The following ALOX5 variants were observed in gnomAD, a reference collection of about 807,000 sequenced individuals.
The protein encoded by ALOX5 is polyunsaturated fatty acid 5-lipoxygenase.
Under a neutral mutation model 87.9 loss-of-function variants are expected in ALOX5, and 64 were observed. The ratio of observed to expected loss-of-function variants is 0.73; its 90% CI spans 0.60 to 0.90. The LOEUF (loss-of-function observed/expected upper bound fraction) is 0.90. ALOX5 is among the 40% of genes least tolerant of loss of function. ALOX5 has a pLI of 0.00. For missense variants in ALOX5, 822 were observed against 907.5 expected (o/e 0.91, Z 1.21); for synonymous variants, 388 against 355.1 (o/e 1.09, Z -1.04).
intron 3 of ALOX5, among the ~76,000 whole-genome samples, chr10:45,405,739 C>CTTT (rs11463810): frequency 0.021 from 2,960 of 139,334 alleles, 105 homozygotes; most frequent in African/African-American, 0.075. Flanking sequence ...ATTCATCTAC[C>CTTT]TTTTTTTTTT....
intron 3 of ALOX5, among the ~76,000 whole-genome samples, chr10:45,406,627 T>C (rs1421028201): frequency 1.3e-5 from 2 of 152,268 alleles, no homozygotes; most frequent in African/African-American, 2.4e-5. Context: ...TTTGCTGTTC[T>C]GAGTAGGATA....
At chr10:45,395,357 C>T (rs901855348) in intron 2 of ALOX5, among the ~76,000 whole-genome samples, 2 of 151,526 alleles carry the variant, frequency 1.3e-5, no homozygotes, top group African/African-American at 4.8e-5. Context: ...ATCGCAAGGA[C>T]AAAAAAACAA....
chr10:45,400,450 T>G (rs879674436), intron 3 of ALOX5, among the ~76,000 whole-genome samples: 10 of 152,096 alleles, frequency 6.6e-5, no homozygotes, highest in Non-Finnish European at 1.3e-4. Context: ...AATACAAAAA[T>G]TAGCCGGGCA....
intron 5 of ALOX5, 59 bp downstream of exon 5, chr10:45,424,206 C>A: frequency 7.0e-7 from 1 of 1,423,456 alleles, no homozygotes; most frequent in Non-Finnish European, 9.9e-7. Context: ...GCTCTCCTGT[C>A]TGATACTTGC....
chr10:45,400,036 A>C (rs1233441645), intron 3 of ALOX5, among the ~76,000 whole-genome samples: 1 of 152,206 alleles, frequency 6.6e-6, no homozygotes, highest in Non-Finnish European at 1.5e-5. Context: ...TGATGCTGCT[A>C]CCGGAATGTA....
chr10:45,378,653 T>TG (rs1413570827), intron 1 of ALOX5, among the ~76,000 whole-genome samples: 1 of 152,220 alleles, frequency 6.6e-6, no homozygotes, highest in Non-Finnish European at 1.5e-5. Context: ...CATGTGACCC[T>TG]GGTATTTTCC....
chr10:45,444,334 G>A (rs1163187959), intron 13 of ALOX5, 48 bp downstream of exon 13: 2 of 1,510,032 alleles, frequency 1.3e-6, no homozygotes, highest in South Asian at 2.5e-5. Flanking sequence ...CCCAGGTTAA[G>A]CGGTTCCTCA....
chr10:45,412,427 G>A, intron 4 of ALOX5, 114 bp downstream of exon 4: 1 of 1,372,032 alleles, frequency 7.3e-7, no homozygotes, highest in Non-Finnish European at 1.0e-6. Context: ...CAGCCTAGCT[G>A]AGCCAAACGC....
chr10:45,387,232 T>C (rs1840040534), intron 2 of ALOX5, among the ~76,000 whole-genome samples: 1 of 152,174 alleles, frequency 6.6e-6, no homozygotes, highest in Non-Finnish European at 1.5e-5. Context: ...TAAAGCCATC[T>C]AGGACACTGC....
intron 4 of ALOX5, among the ~76,000 whole-genome samples, chr10:45,413,977 A>G (rs938201546): frequency 1.3e-5 from 2 of 152,362 alleles, no homozygotes; most frequent in African/African-American, 2.4e-5. Context: ...ATGCTCATGG[A>G]TAGGAAGAAT....
chr10:45,378,307 G>A (rs1310961771), intron 1 of ALOX5, among the ~76,000 whole-genome samples: 4 of 152,178 alleles, frequency 2.6e-5, no homozygotes, highest in African/African-American at 9.7e-5. Flanking sequence ...TCAAGATGTG[G>A]CCTTGGGGAA....
At chr10:45,385,945 A>G (rs1839991539) in intron 2 of ALOX5, among the ~76,000 whole-genome samples, 1 of 152,148 alleles carries the variant, frequency 6.6e-6, no homozygotes, top group Admixed American at 6.5e-5. Context: ...GTTGAAGCCT[A>G]TAGTTCCAGC....
chr10:45,399,719 G>GA (rs1270087963), intron 3 of ALOX5, among the ~76,000 whole-genome samples: 34 of 152,148 alleles, frequency 2.2e-4, no homozygotes, highest in African/African-American at 8.2e-4. Flanking sequence ...ACAGAATGGA[G>GA]AAAATATCTA....
At chr10:45,397,413 A>G (rs79267994) in intron 3 of ALOX5, among the ~76,000 whole-genome samples, 1 of 152,200 alleles carries the variant, frequency 6.6e-6, no homozygotes, top group African/African-American at 2.4e-5. Flanking sequence ...CACAGTTAAC[A>G]TTATACTTAA....
chr10:45,409,293 C>T (rs1840981598), intron 3 of ALOX5, among the ~76,000 whole-genome samples: 1 of 150,128 alleles, frequency 6.7e-6, no homozygotes, highest in Non-Finnish European at 1.5e-5. Flanking sequence ...AGGGGCTGCC[C>T]TATTCTTGAA....
At chr10:45,374,562 C>A in intron 1 of ALOX5, 133 bp downstream of exon 1, 1 of 884,290 alleles carries the variant, frequency 1.1e-6, no homozygotes, top group South Asian at 3.1e-5. Context: ...TGTCCAGGAC[C>A]CTGTCAGGGA....
chr10:45,396,035 C>A, intron 3 of ALOX5, 99 bp downstream of exon 3: 1 of 1,286,704 alleles, frequency 7.8e-7, no homozygotes, highest in African/African-American at 1.5e-5. Context: ...TATGGCCTGT[C>A]ACTGCTGGAA....
chr10:45,391,004 C>T (rs1840206170), intron 2 of ALOX5, among the ~76,000 whole-genome samples: 1 of 25,702 alleles, frequency 3.9e-5, no homozygotes, highest in Admixed American at 4.5e-4. Context: ...TCCCCTCTCC[C>T]CTCTCTCCTC....
chr10:45,418,910 G>A (rs1002108744), intron 4 of ALOX5, among the ~76,000 whole-genome samples: 4 of 152,224 alleles, frequency 2.6e-5, no homozygotes, highest in African/African-American at 9.6e-5. Flanking sequence ...CCAGTGGGGC[G>A]GGACAGTGCA....
Sources: gnomAD v4.1 joint callset for allele counts (sites outside exome capture counted in the v4.1 genomes callset) on GRCh38, gnomAD v4.1.1 for gene constraint, MANE v1.5 for transcripts, NCBI Gene and HGNC (gene_info 2026-07-23, HGNC 2026-07-21) for gene names.